Variants in FAM161B observed in about 807,000 individuals in gnomAD.
FAM161B encodes the protein FAM161 centrosomal protein B.
Under a neutral mutation model 61.5 loss-of-function variants are expected in FAM161B, and 46 were observed. The ratio of observed to expected loss-of-function variants is 0.75; its 90% CI spans 0.59 to 0.96. The LOEUF (loss-of-function observed/expected upper bound fraction) is 0.96, where lower values mean the gene tolerates loss of function less well. FAM161B is among the 40% of genes least tolerant of loss of function. The probability of loss-of-function intolerance (pLI) is 0.00; values close to 1 mark genes in which losing one functional copy is unlikely to be tolerated. For missense variants in FAM161B, 774 were observed against 800.7 expected (o/e 0.97, Z 0.40); for synonymous variants, 284 against 302.7 (o/e 0.94, Z 0.64).
the FAM161B span, among the ~76,000 whole-genome samples, chr14:73,923,098 C>T: frequency 6.6e-6 from 1 of 152,126 alleles, no homozygotes; most frequent in African/African-American, 2.4e-5. Flanking sequence ...CTTTGGTTCC[C>T]TTACCTGCTT....
Position 73,946,373 on chromosome 14 carries a change from T to C in FAM161B, c.287A>G (p.Asn96Ser). 6.2e-7 allele frequency: 1 copy of C among 1,613,836 alleles called. No individual in the cohort carries two copies. Among genetic ancestry groups the C allele is most frequent in the Non-Finnish European group, 8.5e-7 (1 of 1,179,956 alleles). ...CAGGTCCTCCTCATCTTCAGAGAGG[T>C]TTTCATCACTCTCTGGGTCAGACTG... Reference protein sequence around the residue: ...LFQSDPESDENLSEDEEDLES... With the variant: ...LFQSDPESDESLSEDEEDLES... The change falls in exon 2 of 9, where the codon AAC becomes AGC. Residue 96 changes from asparagine (N) to serine (S), a missense_variant. Coordinates refer to ENST00000286544, the MANE Select transcript of FAM161B (RefSeq NM_152445.3).
At chr14:73,939,182 C>T (rs915264415) in intron 5 of FAM161B, among the ~76,000 whole-genome samples, 1 of 152,058 alleles carries the variant, frequency 6.6e-6, no homozygotes, top group African/African-American at 2.4e-5. Context: ...TGCCGGTAAT[C>T]CCAGCTACTT....
In FAM161B at chr14:73,936,084, A is replaced by G; in HGVS notation, c.1670T>C (p.Leu557Pro). The G allele has an allele frequency of 6.2e-7, 1 of 1,604,974 alleles. No homozygotes were observed. Among genetic ancestry groups the G allele is most frequent in the South Asian group, 1.1e-5 (1 of 89,378 alleles). The change falls in exon 8 of 9, where the codon CTA (leucine) becomes CCA (proline). Residue 557 changes from leucine to proline, a missense_variant. By Grantham distance (98) the Leu-to-Pro change is moderately conservative. Coordinates refer to ENST00000286544, the MANE Select transcript of FAM161B (RefSeq NM_152445.3). ...PYLFEQVAKD[L>P]AKKEAEQWYL... ...CCACTGTTCTGCTTCTTTCTTGGCT[A>G]GATCCTGTGGGATGGAAATTAATCT...
downstream of FAM161B, among the ~76,000 whole-genome samples, chr14:73,930,138 A>G (rs1415479700): frequency 6.6e-6 from 1 of 152,246 alleles, no homozygotes; most frequent in Non-Finnish European, 1.5e-5. Context: ...TACAAATTCT[A>G]TAATATTTCT....
chr14:73,930,736 A>G (rs370647987), downstream of FAM161B, among the ~76,000 whole-genome samples: 727 of 152,036 alleles, frequency 4.8e-3, 53 homozygotes, highest in South Asian at 0.14. Flanking sequence ...CCAAGTAGCT[A>G]GGACTGCAAG....
At chr14:73,930,626 CTCAG>C (rs1272136584), downstream of FAM161B, among the ~76,000 whole-genome samples, 1 of 152,026 alleles carries the variant, frequency 6.6e-6, no homozygotes, top group Non-Finnish European at 1.5e-5. Context: ...TGAAAACAGT[CTCAG>C]TCTGTCACTC....
chr14:73,949,796 C>A, intron 1 of FAM161B, 177 bp downstream of exon 1: 1 of 815,200 alleles, frequency 1.2e-6, no homozygotes, highest in East Asian at 2.6e-5. Flanking sequence ...TCAAGAGCCT[C>A]GTATAAAGTC....
Position 73,946,481 on chromosome 14 carries a change from G to A in FAM161B, c.179C>T (p.Thr60Ile). 1.2e-6 allele frequency: 2 copies of A among 1,614,206 alleles called. No homozygotes were observed. Among genetic ancestry groups the A allele is most frequent in the Non-Finnish European group, 1.7e-6 (2 of 1,180,046 alleles). ...GTAAATGCTCCCAGTTGAGTCAGAA[G>A]TAGAATCTATCTCCTCCTCTGGGCT... is the stretch of plus-strand genomic sequence containing the variant. ...FLSPEEEIDSTSDSTGSIYQN... is the reference protein window; with the variant it reads ...FLSPEEEIDSISDSTGSIYQN... Residue 60 changes from threonine (T) to isoleucine (I), a missense_variant, in exon 2 of 9, where the codon ACT becomes ATT. Thr to Ile is a moderately conservative substitution (Grantham distance 89). Coordinates refer to ENST00000286544, the MANE Select transcript of FAM161B (RefSeq NM_152445.3).
the FAM161B span, among the ~76,000 whole-genome samples, chr14:73,924,380 A>T: frequency 1.3e-5 from 2 of 152,182 alleles, no homozygotes; most frequent in Non-Finnish European, 2.9e-5. Flanking sequence ...CTAACAGGGC[A>T]CGGACCAGTG....
intron 4 of FAM161B, 65 bp from the exon 5 acceptor site, chr14:73,941,118 T>TC: frequency 6.7e-7 from 1 of 1,488,080 alleles, no homozygotes; most frequent in East Asian, 2.5e-5. Flanking sequence ...CTTTTTTTTT[T>TC]TTTTTTTTTT....
chr14:73,924,232 T>C, the FAM161B span, among the ~76,000 whole-genome samples: 1 of 152,126 alleles, frequency 6.6e-6, no homozygotes, highest in Non-Finnish European at 1.5e-5. Flanking sequence ...GCAACCTAGA[T>C]CCCTCAAATA....
At chr14:73,940,782 G>A (rs898932465) in intron 5 of FAM161B, 144 bp downstream of exon 5, 32 of 1,166,422 alleles carry the variant, frequency 2.7e-5, no homozygotes, top group South Asian at 2.2e-4. Flanking sequence ...GTGGAGAACC[G>A]CAATTGTTCC....
chr14:73,935,962 T>C lies in FAM161B; in HGVS notation c.1792A>G (p.Lys598Glu). Residue 598 changes from lysine (K) to glutamate (E), a missense_variant, in exon 8 of 9, where the codon AAG becomes GAG. Physicochemically the swap from Lys to Glu is moderately conservative, Grantham distance 56. Coordinates refer to ENST00000286544, the MANE Select transcript of FAM161B (RefSeq NM_152445.3). ...RAVQEKETKIKDFPRFQETTK... is the reference protein window; with the variant it reads ...RAVQEKETKIEDFPRFQETTK... ...ATTTCAGGTTACCTGGGAAAATCCT[T>C]GATTTTGGTCTCTTTCTCTTGAACA... 6.2e-7 allele frequency: 1 copy of C among 1,608,698 alleles called. No homozygotes were observed. The highest frequency in any genetic ancestry group is 8.5e-7 in the Non-Finnish European group (1 of 1,176,746).
intron 3 of FAM161B, among the ~76,000 whole-genome samples, chr14:73,943,930 A>G (rs1434929177): frequency 6.6e-6 from 1 of 152,150 alleles, no homozygotes; most frequent in Non-Finnish European, 1.5e-5. Flanking sequence ...CCCCCAGGTA[A>G]TTTCGGCGAT....
intron 1 of FAM161B, among the ~76,000 whole-genome samples, chr14:73,949,594 G>C (rs1377218705): frequency 6.6e-6 from 1 of 150,446 alleles, no homozygotes; most frequent in Non-Finnish European, 1.5e-5. Context: ...CCTGACCTCA[G>C]GTGATCCACC....
chr14:73,932,033 T>C (rs1248799023), downstream of FAM161B: 2 of 456,368 alleles, frequency 4.4e-6, no homozygotes, highest in Admixed American at 4.7e-5. Context: ...ATTCTCCCTT[T>C]AGCAACCTGA....
At chr14:73,935,082 T>C (rs1223120211) in intron 8 of FAM161B, among the ~76,000 whole-genome samples, 1 of 150,184 alleles carries the variant, frequency 6.7e-6, no homozygotes, top group East Asian at 2.0e-4. Flanking sequence ...GTCTCAACAT[T>C]ATTACTATTT....
Position 73,949,998 on chromosome 14 carries a change from G to A in FAM161B, c.29C>T (p.Pro10Leu). Residue 10 changes from proline to leucine, a missense_variant, in exon 1 of 9, where the codon CCC becomes CTC. Physicochemically the swap from Pro to Leu is moderately conservative, Grantham distance 98 (BLOSUM62 -3). Transcript: ENST00000286544. MTVGRPEGA[P>L]GGAEGSRQIF... ...CTGACGGCTCCCCTCCGCGCCTCCG[G>A]GGGCTCCCTCAGGCCTCCCCACGGT... The A allele has an allele frequency of 6.2e-7, 1 of 1,613,304 alleles. No individual in the cohort carries two copies. The highest frequency in any genetic ancestry group is 1.1e-5 in the South Asian group (1 of 91,084).
At chr14:73,924,381 C>T in the FAM161B span, among the ~76,000 whole-genome samples, 1 of 152,246 alleles carries the variant, frequency 6.6e-6, no homozygotes, top group South Asian at 2.1e-4. Context: ...TAACAGGGCA[C>T]GGACCAGTGC....
Sources: gnomAD v4.1 joint callset for allele counts (sites outside exome capture counted in the v4.1 genomes callset) on GRCh38, gnomAD v4.1.1 for gene constraint, MANE v1.5 for transcripts, NCBI Gene and HGNC (gene_info 2026-07-23, HGNC 2026-07-21) for gene names.